The following VPS35 variants were observed in gnomAD, a reference collection of about 807,000 sequenced individuals.
The protein encoded by VPS35 is VPS35 retromer complex component, also known as vacuolar protein sorting-associated protein 35.
Under a neutral mutation model 98.1 loss-of-function variants are expected in VPS35, and 21 were observed. The observed-to-expected ratio is 0.21, with a 90% CI of 0.15 to 0.31. VPS35 has a LOEUF of 0.31. Ranked by LOEUF, VPS35 falls within the 10% of genes least tolerant of loss-of-function variation. VPS35 has a pLI of 1.00. For synonymous variants in VPS35, 268 were observed against 318.2 expected (o/e 0.84, Z 1.68); for missense variants, 554 against 950.8 (o/e 0.58, Z 5.49).
In VPS35 at chr16:46,689,137, G is replaced by A. The variant is rs775449983; in HGVS notation, c.-4C>T. 3.7e-6 allele frequency: 6 copies of A among 1,609,006 alleles called. No homozygotes were observed. The Admixed American group carries it at 1.0e-4, about 27-fold the overall frequency. Reference sequence around the variant, plus strand: ...CTGCCCCCTCAGCACTCACCATGGCGACTCCCCAGAGCCTGCAGCAAGCAG... The same window carrying A: ...CTGCCCCCTCAGCACTCACCATGGCAACTCCCCAGAGCCTGCAGCAAGCAG... On this transcript the variant is annotated 5_prime_UTR_variant, in exon 1 of 17. Coordinates refer to ENST00000299138, the MANE Select transcript of VPS35 (RefSeq NM_018206.6).
At chr16:46,688,688 C>A (rs1966364315) in intron 1 of VPS35, 1 of 1,097,078 alleles carries the variant, frequency 9.1e-7, no homozygotes, top group Admixed American at 4.5e-5. Context: ...CGGCCGAGCA[C>A]AACTAGGCAC....
In VPS35 at chr16:46,660,470, T is replaced by C. The variant is rs200195623; in HGVS notation, c.*2A>G. 107 of 1,613,608 alleles carry C rather than the reference T, an allele frequency of 6.6e-5. No individual in the cohort carries two copies. Among genetic ancestry groups the C allele is most frequent in the Middle Eastern group, 1.6e-4 (1 of 6,084 alleles). On this transcript the variant is annotated 3_prime_UTR_variant, in exon 17 of 17. Transcript: ENST00000299138. Reference sequence around the variant, plus strand: ...AAAGGAGTATGGTGAGCTATTTCCTTTTTAAAGGATGAGACCTTCATAAAT... The same window carrying C: ...AAAGGAGTATGGTGAGCTATTTCCTCTTTAAAGGATGAGACCTTCATAAAT...
At chr16:46,681,349 A>G (rs768019437) in intron 4 of VPS35, 28 bp downstream of exon 4, 6 of 1,613,176 alleles carry the variant, frequency 3.7e-6, no homozygotes, top group East Asian at 2.2e-5. Context: ...ATACAGACAC[A>G]AAAGTTCTCT....
Position 46,689,175 on chromosome 16 carries a change from G to T in VPS35, c.-42C>A, listed in dbSNP as rs762053892. On this transcript the variant is annotated 5_prime_UTR_variant, in exon 1 of 17. Transcript: ENST00000299138. ...CTGCAGCAAGCAGCACCCGCCCCGCGCGTAGCCTCCCGCGGTCATGTGACG... is the reference window on the plus strand; with the variant it reads ...CTGCAGCAAGCAGCACCCGCCCCGCTCGTAGCCTCCCGCGGTCATGTGACG... 3.7e-6 allele frequency: 6 copies of T among 1,601,150 alleles called. No homozygotes were observed. Among genetic ancestry groups the T allele is most frequent in the Non-Finnish European group, 5.1e-6 (6 of 1,175,130 alleles).
chr16:46,671,244 A>G (rs1360491587), intron 12 of VPS35, among the ~76,000 whole-genome samples: 2 of 152,204 alleles, frequency 1.3e-5, no homozygotes, highest in East Asian at 3.8e-4. Context: ...GAAAAGTAAA[A>G]TTAAATATAA....
At chr16:46,670,674 A>T (rs548981476) in intron 12 of VPS35, among the ~76,000 whole-genome samples, 1 of 152,350 alleles carries the variant, frequency 6.6e-6, no homozygotes, top group Admixed American at 6.5e-5. Flanking sequence ...AACATAAGGC[A>T]ATCAGTTAAA....
chr16:46,663,118 G>C lies in VPS35; in HGVS notation c.1692C>G (p.Ala564=). 1 of 1,613,986 alleles carries C rather than the reference G, an allele frequency of 6.2e-7. No homozygotes were observed. Among genetic ancestry groups the C allele is most frequent in the South Asian group, 1.1e-5 (1 of 91,054 alleles). Reference sequence around the variant, plus strand: ...TGATCAAAGCACTGATAGTCTGGTGGGCAAATGAAAAAATCTTCTGGCATT... The same window carrying C: ...TGATCAAAGCACTGATAGTCTGGTGCGCAAATGAAAAAATCTTCTGGCATT... The part of the protein sequence containing the change: ...EKKCQKIFSF[A]HQTISALIKA... The change falls in exon 14 of 17, where the codon GCC becomes GCG. Residue 564 remains alanine (A), a synonymous_variant. Coordinates refer to ENST00000299138, the MANE Select transcript of VPS35 (RefSeq NM_018206.6).
intron 13 of VPS35, among the ~76,000 whole-genome samples, chr16:46,664,393 G>A (rs1965958037): frequency 6.6e-6 from 1 of 152,078 alleles, no homozygotes; most frequent in African/African-American, 2.4e-5. Context: ...CTGACCTCAA[G>A]TGATCCACCC....
At chr16:46,670,924 AG>A (rs1263249487) in intron 12 of VPS35, among the ~76,000 whole-genome samples, 2 of 152,218 alleles carry the variant, frequency 1.3e-5, no homozygotes, top group Non-Finnish European at 2.9e-5. Context: ...GCAGCCTAAT[AG>A]CCTTATGCAT....
chr16:46,657,751 G>A lies in VPS35; in HGVS notation c.*2721C>T, dbSNP rs766691646. On this transcript the variant is annotated 3_prime_UTR_variant, in exon 17 of 17. Coordinates refer to ENST00000299138, the MANE Select transcript of VPS35 (RefSeq NM_018206.6). ...TCCTGGGTAGAGGCAGGAAAGGGAG[G>A]GTAGGAAAGTCTAACACGGCAGGCA... 4 of 152,048 alleles carry A rather than the reference G, an allele frequency of 2.6e-5. No individual in the cohort carries two copies. Among genetic ancestry groups the A allele is most frequent in the Non-Finnish European group, 5.9e-5 (4 of 68,048 alleles). The allele number at this position is 152,048 out of a possible 1,614,324, so 9.4% of individuals were successfully genotyped here.
Position 46,683,606 on chromosome 16 carries a change from G to A in VPS35, c.4C>T (p.Pro2Ser). 2 of 1,609,580 alleles carry A rather than the reference G, an allele frequency of 1.2e-6. No individual in the cohort carries two copies. Among genetic ancestry groups the A allele is most frequent in the Non-Finnish European group, 1.7e-6 (2 of 1,177,530 alleles). Residue 2 changes from proline to serine, a missense_variant and splice_region_variant, in exon 2 of 17, where the codon CCT becomes TCT. Pro to Ser is a moderately conservative substitution (Grantham distance 74). Transcript: ENST00000299138. M[P>S]TTQQSPQDEQ... is the part of the protein sequence containing the mutation. ...TCCTGAGGGGACTGCTGTGTTGTAG[G>A]CTGAAAAATAAAAAATTCCACTGAT...
Position 46,660,189 on chromosome 16 carries a change from GTGTTTTTT to G in VPS35, c.*275_*282del, listed in dbSNP as rs1965886788. On this transcript the variant is annotated 3_prime_UTR_variant, in exon 17 of 17. Transcript: ENST00000299138. Reference sequence around the variant, plus strand: ...GCCAAGATAAGTGCTTGTGGGTTTTGTGTTTTTTTTTTTTTTTTTTTTTACAGATCACA... The same window carrying G: ...GCCAAGATAAGTGCTTGTGGGTTTTGTTTTTTTTTTTTTTTACAGATCACA... 2 of 98,310 alleles carry G rather than the reference GTGTTTTTT, an allele frequency of 2.0e-5. No homozygotes were observed. The highest frequency in any genetic ancestry group is 3.8e-4 in the East Asian group (1 of 2,632). 6.1% of individuals were successfully genotyped at this position (98,310 alleles called of 1,614,324 possible). A position where few individuals can be genotyped will look rare whatever the true frequency, so the allele number is the denominator to read the frequency against.
chr16:46,670,582 G>A (rs1463701866), intron 12 of VPS35, among the ~76,000 whole-genome samples: 7 of 152,110 alleles, frequency 4.6e-5, no homozygotes, highest in Non-Finnish European at 1.0e-4. Flanking sequence ...ACCATGCCCC[G>A]CCGGAAGGAA....
At chr16:46,678,234 C>T (rs1966179931) in intron 6 of VPS35, among the ~76,000 whole-genome samples, 1 of 149,412 alleles carries the variant, frequency 6.7e-6, no homozygotes, top group South Asian at 2.1e-4. Flanking sequence ...CTAGGGTGTC[C>T]AATCTTTTGG....
intron 12 of VPS35, among the ~76,000 whole-genome samples, chr16:46,670,756 T>C (rs567184958): frequency 6.6e-6 from 1 of 152,270 alleles, no homozygotes; most frequent in South Asian, 2.1e-4. Context: ...GGAATGTTTG[T>C]CACTAAACCA....
chr16:46,669,543 C>T (rs1407304285), intron 12 of VPS35, among the ~76,000 whole-genome samples: 4 of 151,540 alleles, frequency 2.6e-5, no homozygotes, highest in African/African-American at 9.7e-5. Flanking sequence ...GGCGCACACC[C>T]GTAATCTCAG....
At position 46,674,630 on chromosome 16, in the gene VPS35, T is replaced by A. The variant is rs144346159; in HGVS notation, c.945A>T (p.Gly315=). 515 of 1,610,926 alleles carry A rather than the reference T, an allele frequency of 3.2e-4. No individual in the cohort carries two copies. Among genetic ancestry groups the A allele is most frequent in the Non-Finnish European group, 4.0e-4 (475 of 1,178,804 alleles). ...GTTTAATATCCGCTGGGATTCCAGG[T>A]CCATCTTCACGGTGAGCAAATAAAG... is the stretch of plus-strand genomic sequence containing the variant. ...RLALFAHRED[G]PGIPADIKLF... The change falls in exon 9 of 17, where the codon GGA becomes GGT. Residue 315 remains glycine (G), a synonymous_variant. Transcript: ENST00000299138.
Position 46,663,862 on chromosome 16 carries a change from A to ATTTTTTTTTTTTTTTTTT in VPS35, c.1648-718_1648-701dup, listed in dbSNP as rs546485076. On this transcript the variant is annotated intron_variant, in intron 13 of 16. Transcript: ENST00000299138. ...AGGCTTGCATCACCACACCTGGCTAATTTTTTTTTTTTTTTTTTTTTTTTT... is the reference window on the plus strand; with the variant it reads ...AGGCTTGCATCACCACACCTGGCTAATTTTTTTTTTTTTTTTTTTTTTTTTTTTTTTTTTTTTTTTTTT... Among the ~76,000 whole-genome samples the ATTTTTTTTTTTTTTTTTT allele has an allele frequency of 2.3e-3, 67 of 28,686 alleles. 18 individuals are homozygous for ATTTTTTTTTTTTTTTTTT. The highest frequency in any genetic ancestry group is 7.6e-3 in the South Asian group (2 of 264). 18.8% of individuals were successfully genotyped at this position (28,686 alleles called of 152,430 possible).
chr16:46,678,658 T>C (rs1966188134), intron 6 of VPS35, among the ~76,000 whole-genome samples: 1 of 152,244 alleles, frequency 6.6e-6, no homozygotes, highest in African/African-American at 2.4e-5. Flanking sequence ...TGTTTCTTCA[T>C]ATAAACTTTA....
Sources: gnomAD v4.1 joint callset for allele counts (sites outside exome capture counted in the v4.1 genomes callset) on GRCh38, gnomAD v4.1.1 for gene constraint, MANE v1.5 for transcripts, NCBI Gene and HGNC (gene_info 2026-07-23, HGNC 2026-07-21) for gene names.